TAFA4: variants seen among roughly 807,000 people sequenced by gnomAD.
The protein encoded by TAFA4 is TAFA chemokine like family member 4.
In TAFA4, 20 loss-of-function variants were observed where a neutral mutation model predicts 21.1. The observed-to-expected ratio is 0.95, with a 90% confidence interval of 0.67 to 1.38. The LOEUF (loss-of-function observed/expected upper bound fraction) is 1.38. TAFA4 is among the 40% of genes most tolerant of loss of function. The probability of loss-of-function intolerance (pLI) is 0.00; values close to 1 mark genes in which losing one functional copy is unlikely to be tolerated. For missense variants in TAFA4, 211 were observed against 180.9 expected (o/e 1.17, Z -0.95); for synonymous variants, 71 against 67.4 (o/e 1.05, Z -0.26).
At chr3:68,807,646 A>C (rs1703732562) in intron 3 of TAFA4, among the ~76,000 whole-genome samples, 1 of 152,262 alleles carries the variant, frequency 6.6e-6, no homozygotes, top group African/African-American at 2.4e-5. Context: ...GCACCTGAAT[A>C]CAAAGTATGT....
intron 5 of TAFA4, among the ~76,000 whole-genome samples, chr3:68,735,433 G>A (rs767795693): frequency 3.9e-5 from 6 of 152,054 alleles, no homozygotes; most frequent in Non-Finnish European, 8.8e-5. Flanking sequence ...TTAGACTAAT[G>A]GTTCCCTCAT....
chr3:68,754,062 ATCAT>A (rs1323199498), intron 3 of TAFA4, among the ~76,000 whole-genome samples: 4 of 152,216 alleles, frequency 2.6e-5, no homozygotes, highest in Non-Finnish European at 4.4e-5. Flanking sequence ...CATTTGCTTT[ATCAT>A]TCACTCTCTC....
intron 4 of TAFA4, among the ~76,000 whole-genome samples, chr3:68,751,575 A>C (rs1170810236): frequency 1.3e-5 from 2 of 152,178 alleles, no homozygotes; most frequent in African/African-American, 2.4e-5. Context: ...TTAAATGTTA[A>C]AGATCTTCAT....
intron 3 of TAFA4, among the ~76,000 whole-genome samples, chr3:68,804,036 C>T (rs1454258243): frequency 6.6e-6 from 1 of 151,900 alleles, no homozygotes; most frequent in Non-Finnish European, 1.5e-5. Context: ...GATCCACCTG[C>T]CTCAGCCTCC....
chr3:68,918,913 G>C (rs1481875481), intron 1 of TAFA4, among the ~76,000 whole-genome samples: 2 of 151,950 alleles, frequency 1.3e-5, no homozygotes, highest in Non-Finnish European at 2.9e-5. Flanking sequence ...AATTCACTTT[G>C]TTTTTTAAAA....
chr3:68,910,887 G>A (rs1221282173), intron 1 of TAFA4, among the ~76,000 whole-genome samples: 3 of 152,142 alleles, frequency 2.0e-5, no homozygotes, highest in Non-Finnish European at 4.4e-5. Flanking sequence ...TCAATAAAAG[G>A]TTAACACAAT....
chr3:68,835,492 G>A (rs980302506), intron 3 of TAFA4, among the ~76,000 whole-genome samples: 1 of 152,190 alleles, frequency 6.6e-6, no homozygotes, highest in Non-Finnish European at 1.5e-5. Flanking sequence ...CTGGCTTCTA[G>A]AAGGCATAAT....
chr3:68,889,329 C>A (rs2089708159), intron 1 of TAFA4, among the ~76,000 whole-genome samples: 2 of 152,140 alleles, frequency 1.3e-5, no homozygotes, highest in Admixed American at 6.5e-5. Context: ...GGTTCCCAGG[C>A]AGAAGAGCCC....
chr3:68,824,799 A>C (rs1704189970), intron 3 of TAFA4, among the ~76,000 whole-genome samples: 1 of 152,184 alleles, frequency 6.6e-6, no homozygotes, highest in African/African-American at 2.4e-5. Flanking sequence ...AAGGGGCAGA[A>C]CTAGGATTCA....
At chr3:68,794,952 G>A (rs1409272796) in intron 3 of TAFA4, among the ~76,000 whole-genome samples, 1 of 151,308 alleles carries the variant, frequency 6.6e-6, no homozygotes, top group Non-Finnish European at 1.5e-5. Flanking sequence ...CCTACCAAGT[G>A]TTAGAAAGCC....
At chr3:68,878,188 C>T (rs1346693151) in intron 3 of TAFA4, among the ~76,000 whole-genome samples, 1 of 152,154 alleles carries the variant, frequency 6.6e-6, no homozygotes, top group Non-Finnish European at 1.5e-5. Flanking sequence ...TGAAATAGTG[C>T]AGTCCAGGTT....
intron 1 of TAFA4, among the ~76,000 whole-genome samples, chr3:68,891,572 T>C (rs572798600): frequency 6.6e-6 from 1 of 152,324 alleles, no homozygotes; most frequent in African/African-American, 2.4e-5. Context: ...CAGCTAATGA[T>C]GTAAGAGGTG....
intron 1 of TAFA4, chr3:68,913,665 T>C (rs2107009136): frequency 6.6e-6 from 1 of 152,386 alleles, no homozygotes; most frequent in South Asian, 2.1e-4. Flanking sequence ...TGTTTGTTCC[T>C]TGCTTGCCTT....
chr3:68,814,134 T>C (rs573815923), intron 3 of TAFA4, among the ~76,000 whole-genome samples: 9 of 152,270 alleles, frequency 5.9e-5, no homozygotes, highest in African/African-American at 2.2e-4. Context: ...CGCTAAAAAC[T>C]CTCAATAAAT....
At chr3:68,857,134 C>T (rs933190940) in intron 3 of TAFA4, among the ~76,000 whole-genome samples, 1 of 152,084 alleles carries the variant, frequency 6.6e-6, no homozygotes, top group African/African-American at 2.4e-5. Context: ...CTTATATGTT[C>T]GAAATGTGGC....
rs189478957 is a variant in TAFA4, at chr3:68,806,078, G to A, written c.131-53060C>T. On this transcript the variant is annotated intron_variant, in intron 3 of 5. Coordinates refer to ENST00000295569, the MANE Select transcript of TAFA4 (RefSeq NM_182522.5). ...AGTACAAAAGGTGGGTCTTGAATTT[G>A]TGTGACTTTAAGTACCTGACAACAT... is the stretch of plus-strand genomic sequence containing the variant. Among the ~76,000 whole-genome samples the A allele has an allele frequency of 1.2e-4, 18 of 152,192 alleles. 1 individual carries two copies. The East Asian group carries it at 3.1e-3, about 26-fold the overall frequency.
intron 3 of TAFA4, among the ~76,000 whole-genome samples, chr3:68,764,281 G>A (rs946137228): frequency 7.9e-5 from 12 of 152,178 alleles, no homozygotes; most frequent in African/African-American, 9.6e-5. Flanking sequence ...AAAGACAACC[G>A]TCTGCAAGCT....
Position 68,920,641 on chromosome 3 carries a change from T to A in TAFA4, c.-123+11599A>T, listed in dbSNP as rs981833388. Among the ~76,000 whole-genome samples the A allele has an allele frequency of 1.5e-3, 121 of 80,640 alleles. 1 individual carries two copies. The highest frequency in any genetic ancestry group is 2.0e-3 in the Non-Finnish European group (85 of 42,640). 52.9% of individuals were successfully genotyped at this position (80,640 alleles called of 152,430 possible). A position where few individuals can be genotyped will look rare whatever the true frequency, so the allele number is the denominator to read the frequency against. On this transcript the variant is annotated intron_variant, in intron 1 of 5. Coordinates refer to ENST00000295569, the MANE Select transcript of TAFA4 (RefSeq NM_182522.5). ...AAGTGATTTTTACTTTTTCTCTAAT[T>A]TTTTTTTTTTTTTTTTTTTTTACAA...
chr3:68,764,302 C>G (rs1403592960), intron 3 of TAFA4, among the ~76,000 whole-genome samples: 1 of 152,008 alleles, frequency 6.6e-6, no homozygotes, highest in Non-Finnish European at 1.5e-5. Flanking sequence ...AGGAAGAGAG[C>G]CCCCACCAGA....
Sources: allele counts gnomAD v4.1 joint callset (sites outside exome capture counted in the v4.1 genomes callset), GRCh38; gene constraint gnomAD v4.1.1; transcripts MANE v1.5; gene names NCBI Gene and HGNC (gene_info 2026-07-23, HGNC 2026-07-21).